Variants in SNTB1 observed in about 807,000 individuals in gnomAD.
SNTB1 encodes the protein syntrophin beta 1, also known as beta-1-syntrophin.
In SNTB1, 36 loss-of-function variants were observed where a neutral mutation model predicts 48.9. The observed-to-expected ratio is 0.74, with a 90% CI of 0.56 to 0.97. The LOEUF (loss-of-function observed/expected upper bound fraction) is 0.97, where lower values mean the gene tolerates loss of function less well. Among genes scored for constraint, SNTB1 ranks in the 50% least tolerant of loss-of-function variants. SNTB1 has a pLI of 0.00. For synonymous variants in SNTB1, 299 were observed against 294.6 expected (o/e 1.01, Z -0.15); for missense variants, 786 against 703.4 (o/e 1.12, Z -1.33).
intron 2 of SNTB1, among the ~76,000 whole-genome samples, chr8:120,656,708 CT>C (rs1359950808): frequency 6.6e-6 from 1 of 152,144 alleles, no homozygotes; most frequent in Non-Finnish European, 1.5e-5. Flanking sequence ...ATTTTTGCTT[CT>C]TTTGAATTAG....
At chr8:120,682,508 T>C (rs1817947973) in intron 2 of SNTB1, among the ~76,000 whole-genome samples, 1 of 152,226 alleles carries the variant, frequency 6.6e-6, no homozygotes, top group African/African-American at 2.4e-5. Flanking sequence ...AACTTCTCCT[T>C]CCCAACCACC....
rs71308607 is a variant in SNTB1 at position 120,755,142 on chromosome 8, TTGTGTG to T, written c.571+56125_571+56130del. ...GTTGAGTCTAAGCTATGCTGTGGTG[TTGTGTG>T]TGTGTGTGTGTGTGTGTGTGTGTGA... On this transcript the variant is annotated intron_variant, in intron 1 of 6. Coordinates refer to ENST00000517992, the MANE Select transcript of SNTB1 (RefSeq NM_021021.4). 3.3e-4 allele frequency among the ~76,000 whole-genome samples: 20 copies of T among 59,752 alleles called. No individual in the cohort carries two copies. The East Asian group carries it at 0.013, about 37-fold the overall frequency. The allele number at this position is 59,752 out of a possible 152,430, so 39.2% of individuals were successfully genotyped here.
At chr8:120,727,755 T>C (rs1818784542) in intron 1 of SNTB1, among the ~76,000 whole-genome samples, 1 of 152,218 alleles carries the variant, frequency 6.6e-6, no homozygotes, top group Non-Finnish European at 1.5e-5. Context: ...TGGTTGCCTA[T>C]GAGAATTTTC....
chr8:120,782,777 T>G (rs1485890254), intron 1 of SNTB1, among the ~76,000 whole-genome samples: 1 of 152,200 alleles, frequency 6.6e-6, no homozygotes, highest in African/African-American at 2.4e-5. Flanking sequence ...ACTGAACCAC[T>G]AAATGAAATC....
intron 2 of SNTB1, among the ~76,000 whole-genome samples, chr8:120,668,041 C>A (rs1421375429): frequency 6.6e-6 from 1 of 152,054 alleles, no homozygotes. Flanking sequence ...ATACACTGAT[C>A]GGTTCTCAGC....
At chr8:120,727,297 A>G (rs1295254307) in intron 1 of SNTB1, among the ~76,000 whole-genome samples, 1 of 152,172 alleles carries the variant, frequency 6.6e-6, no homozygotes, top group African/African-American at 2.4e-5. Context: ...GGGGTGTCCA[A>G]GGGTTATGTC....
chr8:120,642,996 C>T (rs1817221870), intron 2 of SNTB1, among the ~76,000 whole-genome samples: 1 of 152,196 alleles, frequency 6.6e-6, no homozygotes. Flanking sequence ...AATGGCTTAG[C>T]TGAGTGGTTC....
intron 1 of SNTB1, among the ~76,000 whole-genome samples, chr8:120,705,712 C>G (rs1299608128): frequency 6.6e-6 from 1 of 152,166 alleles, no homozygotes; most frequent in Non-Finnish European, 1.5e-5. Flanking sequence ...TCCAAAGACT[C>G]CAATATAGTG....
Position 120,548,942 on chromosome 8 carries a change from G to A in SNTB1, c.1153C>T (p.Pro385Ser), listed in dbSNP as rs370983314. The A allele has an allele frequency of 3.8e-6, 6 of 1,585,690 alleles. No individual in the cohort carries two copies. In the African/African-American group the frequency reaches 6.7e-5, roughly 18 times the overall value. Residue 385 changes from proline to serine, a missense_variant, in exon 5 of 7, where the codon CCA becomes TCA. Transcript: ENST00000517992. ...LLATRLVHSGPGKGSPQAGVD... is the reference protein window; with the variant it reads ...LLATRLVHSGSGKGSPQAGVD... The stretch of plus-strand genomic sequence containing the variant: ...CCAGCCTGGGGTGATCCCTTTCCTG[G>A]ACCTGAATGGACCAGCCTGGAGAGA...
chr8:120,593,872 G>A (rs1450937740), intron 3 of SNTB1, among the ~76,000 whole-genome samples: 1 of 152,122 alleles, frequency 6.6e-6, no homozygotes, highest in Non-Finnish European at 1.5e-5. Context: ...TGGAAGAGGG[G>A]ACATACCAAA....
intron 2 of SNTB1, among the ~76,000 whole-genome samples, chr8:120,670,351 C>T (rs1345094329): frequency 7.2e-5 from 11 of 152,282 alleles, no homozygotes; most frequent in Non-Finnish European, 1.2e-4. Context: ...TTAATACCTT[C>T]GTCTTCATAC....
At chr8:120,672,114 T>C (rs1334209676) in intron 2 of SNTB1, among the ~76,000 whole-genome samples, 1 of 152,038 alleles carries the variant, frequency 6.6e-6, no homozygotes, top group Non-Finnish European at 1.5e-5. Context: ...TGTTAGATGA[T>C]TTTGCTCAAC....
chr8:120,695,906 G>T (rs80193403), intron 1 of SNTB1, among the ~76,000 whole-genome samples: 1 of 152,216 alleles, frequency 6.6e-6, no homozygotes, highest in East Asian at 1.9e-4. Context: ...TACAGAAGGA[G>T]AAATATTATT....
chr8:120,574,318 T>C (rs1426187038), intron 4 of SNTB1, among the ~76,000 whole-genome samples: 1 of 152,224 alleles, frequency 6.6e-6, no homozygotes, highest in East Asian at 1.9e-4. Flanking sequence ...AACAACATGG[T>C]ATTATATACC....
chr8:120,693,658 G>T, intron 2 of SNTB1, 34 bp downstream of exon 2: 1 of 1,589,694 alleles, frequency 6.3e-7, no homozygotes, highest in Non-Finnish European at 8.6e-7. Context: ...CCGAGGAGCT[G>T]CTTGATACAG....
intron 3 of SNTB1, among the ~76,000 whole-genome samples, chr8:120,604,974 A>C (rs1182230783): frequency 1.3e-5 from 2 of 152,208 alleles, no homozygotes; most frequent in East Asian, 3.8e-4. Flanking sequence ...GGATGAATGA[A>C]AATACTTGAA....
intron 3 of SNTB1, among the ~76,000 whole-genome samples, chr8:120,627,738 T>A (rs1004665390): frequency 1.4e-4 from 22 of 152,216 alleles, no homozygotes; most frequent in African/African-American, 5.1e-4. Context: ...TCTGAAGCTG[T>A]GCTTTTGGTC....
chr8:120,632,723 A>G (rs1817005825), intron 2 of SNTB1, 72 bp from the exon 3 acceptor site: 1 of 1,291,394 alleles, frequency 7.7e-7, no homozygotes, highest in South Asian at 1.2e-5. Flanking sequence ...TGGGTCACAA[A>G]GGTGAATTAA....
chr8:120,572,044 G>A (rs1453365165), intron 4 of SNTB1, among the ~76,000 whole-genome samples: 1 of 151,888 alleles, frequency 6.6e-6, no homozygotes, highest in Admixed American at 6.6e-5. Flanking sequence ...AATCATGACT[G>A]GAAGTAAGAA....
Sources: allele counts gnomAD v4.1 joint callset (sites outside exome capture counted in the v4.1 genomes callset), GRCh38; gene constraint gnomAD v4.1.1; transcripts MANE v1.5; gene names NCBI Gene and HGNC (gene_info 2026-07-23, HGNC 2026-07-21).